Variants in ROBO2 observed in about 807,000 individuals in gnomAD.
The protein encoded by ROBO2 is roundabout homolog 2.
In ROBO2, 53 loss-of-function variants were observed where a neutral mutation model predicts 160.8. The ratio of observed to expected loss-of-function variants is 0.33; its 90% CI spans 0.26 to 0.41. The LOEUF is 0.41. Ranked by LOEUF, ROBO2 falls within the 10% of genes least tolerant of loss-of-function variation. The probability of loss-of-function intolerance (pLI) is 1.00; values close to 1 mark genes in which losing one functional copy is unlikely to be tolerated. For synonymous variants in ROBO2, 664 were observed against 611.7 expected, an observed-to-expected ratio of 1.09 and a Z score of -1.26; for missense variants, 1,577 against 1,722.4, an observed-to-expected ratio of 0.92 and a Z score of 1.49.
Position 76,679,343 on chromosome 3 carries a change from AT to A in ROBO2, c.110-418669del, listed in dbSNP as rs538014064. 1.2e-3 allele frequency among the ~76,000 whole-genome samples: 181 copies of A among 152,254 alleles called. 1 individual carries two copies. The highest frequency in any genetic ancestry group is 4.2e-3 in the African/African-American group (176 of 41,564). ...TATTTTATCTTATAAGATCTTATCT[AT>A]TAATCAATGTTTATATTTTGTGTTT... On this transcript the variant is annotated intron_variant, in intron 2 of 26. Coordinates refer to the ROBO2 transcript ENST00000487694.
At chr3:76,436,641 G>T (rs1187726054) in intron 2 of ROBO2, among the ~76,000 whole-genome samples, 1 of 151,794 alleles carries the variant, frequency 6.6e-6, no homozygotes, top group Non-Finnish European at 1.5e-5. Flanking sequence ...TGTGCTTAAA[G>T]TTATACAGAA....
In ROBO2 at chr3:76,622,245, A is replaced by AGAAAGAAAGAAAGAAG. The variant is rs2089213059; in HGVS notation, c.110-475754_110-475753insGGAAAGAAAGAAAGAA. On this transcript the variant is annotated intron_variant, in intron 2 of 26. Coordinates refer to the ROBO2 transcript ENST00000487694. ...AAGGAAGGAAGGAAGGAAGAAAGAAAGAAAGAAAGAAAGAAAGAAAGAAAG... is the reference window on the plus strand; with the variant it reads ...AAGGAAGGAAGGAAGGAAGAAAGAAAGAAAGAAAGAAAGAAGGAAAGAAAGAAAGAAAGAAAGAAAG... 9.3e-4 allele frequency among the ~76,000 whole-genome samples: 41 copies of AGAAAGAAAGAAAGAAG among 44,166 alleles called. 1 individual carries two copies. Among genetic ancestry groups the AGAAAGAAAGAAAGAAG allele is most frequent in the South Asian group, 2.4e-3 (2 of 834 alleles). 29.0% of individuals were successfully genotyped at this position (44,166 alleles called of 152,430 possible). A position where few individuals can be genotyped will look rare whatever the true frequency, so the allele number is the denominator to read the frequency against.
chr3:77,645,872 G>A (rs1183729523), intron 25 of ROBO2, among the ~76,000 whole-genome samples, 182 bp from the exon 28 acceptor site: 2 of 151,954 alleles, frequency 1.3e-5, no homozygotes, highest in Admixed American at 1.3e-4. Context: ...AAATTCTATA[G>A]TGTTTTCTTT....
At chr3:76,957,864 A>G (rs1577833684) in intron 2 of ROBO2, among the ~76,000 whole-genome samples, 1 of 152,060 alleles carries the variant, frequency 6.6e-6, no homozygotes, top group South Asian at 2.1e-4. Context: ...ATTTAACTCT[A>G]GATGAATTTG....
At chr3:77,443,682 T>G (rs139717720) in intron 2 of ROBO2, among the ~76,000 whole-genome samples, 41 of 152,302 alleles carry the variant, frequency 2.7e-4, no homozygotes, top group Non-Finnish European at 4.3e-4. Flanking sequence ...ATAAATAATT[T>G]CTAATTTAAC....
At chr3:77,034,654 T>A (rs546087363) in intron 2 of ROBO2, among the ~76,000 whole-genome samples, 1 of 151,938 alleles carries the variant, frequency 6.6e-6, no homozygotes, top group Non-Finnish European at 1.5e-5. Flanking sequence ...TCAGTGAGCA[T>A]ACAACTGTAA....
intron 2 of ROBO2, among the ~76,000 whole-genome samples, chr3:76,144,238 A>G (rs1413438261): frequency 2.0e-5 from 3 of 152,056 alleles, no homozygotes; most frequent in Admixed American, 6.6e-5. Flanking sequence ...CTGGACTTTA[A>G]AAGGCATTCC....
chr3:76,737,852 TTTAAGAA>T (rs11280031), intron 2 of ROBO2, among the ~76,000 whole-genome samples: 98,864 of 151,294 alleles, frequency 0.65, 32,466 homozygotes, highest in African/African-American at 0.73. Context: ...AACAGTATTA[TTTAAGAA>T]ATGCAGACTG....
At chr3:77,563,584 A>G (rs971659441) in intron 11 of ROBO2, among the ~76,000 whole-genome samples, 5 of 152,128 alleles carry the variant, frequency 3.3e-5, no homozygotes, top group African/African-American at 1.2e-4. Context: ...ACTTAGCTCC[A>G]TTCTTTACCC....
chr3:76,348,674 A>C (rs2074684023), intron 2 of ROBO2, among the ~76,000 whole-genome samples: 1 of 152,190 alleles, frequency 6.6e-6, no homozygotes, highest in South Asian at 2.1e-4. Context: ...GGTACAACCA[A>C]TTATGTGCTA....
At chr3:75,976,606 A>T (rs755991903) in intron 2 of ROBO2, among the ~76,000 whole-genome samples, 7 of 151,578 alleles carry the variant, frequency 4.6e-5, no homozygotes, top group Non-Finnish European at 7.4e-5. Flanking sequence ...ACATTCTCCA[A>T]ATGTATTACA....
chr3:75,922,693 TATTA>T (rs908316727), intron 1 of ROBO2, among the ~76,000 whole-genome samples: 11 of 152,196 alleles, frequency 7.2e-5, no homozygotes, highest in Middle Eastern at 3.4e-3. Flanking sequence ...AAAATTATAT[TATTA>T]ATTTTATCCA....
At chr3:77,338,801 C>T (rs1356417911) in intron 2 of ROBO2, among the ~76,000 whole-genome samples, 1 of 152,042 alleles carries the variant, frequency 6.6e-6, no homozygotes, top group African/African-American at 2.4e-5. Context: ...GCCATTTTTC[C>T]TAGCTATTGC....
intron 2 of ROBO2, among the ~76,000 whole-genome samples, chr3:76,381,087 G>T (rs1193023388): frequency 6.6e-6 from 1 of 151,226 alleles, no homozygotes; most frequent in Non-Finnish European, 1.5e-5. Context: ...TGTTTGAAAG[G>T]ATTTAAAAAA....
intron 17 of ROBO2, among the ~76,000 whole-genome samples, chr3:77,590,912 T>A (rs2094165018): frequency 6.6e-6 from 1 of 152,124 alleles, no homozygotes; most frequent in Non-Finnish European, 1.5e-5. Context: ...TTATTGCTAC[T>A]CATCTGCTTG....
At chr3:76,059,396 A>G (rs62267251) in intron 2 of ROBO2, among the ~76,000 whole-genome samples, 11,389 of 152,072 alleles carry the variant, frequency 0.075, 1,117 homozygotes, top group African/African-American at 0.22. Flanking sequence ...TTCTCTGATG[A>G]CCAGTGATGA....
intron 2 of ROBO2, among the ~76,000 whole-genome samples, chr3:76,992,827 A>T (rs1578112992): frequency 6.6e-6 from 1 of 151,720 alleles, no homozygotes; most frequent in East Asian, 1.9e-4. Flanking sequence ...TACTTTTTTA[A>T]TTTTTTTTGA....
intron 1 of ROBO2, among the ~76,000 whole-genome samples, chr3:75,921,629 G>A (rs1040917701): frequency 3.3e-5 from 5 of 152,080 alleles, no homozygotes; most frequent in Non-Finnish European, 7.4e-5. Context: ...TCTCTGCAAA[G>A]GGTGTGTGTG....
intron 2 of ROBO2, among the ~76,000 whole-genome samples, chr3:77,138,421 A>C (rs2076447924): frequency 6.6e-6 from 1 of 152,210 alleles, no homozygotes; most frequent in Non-Finnish European, 1.5e-5. Context: ...TGGTACTTTC[A>C]AGATGATGAG....
Sources: allele counts gnomAD v4.1 joint callset (sites outside exome capture counted in the v4.1 genomes callset), GRCh38; gene constraint gnomAD v4.1.1; transcripts MANE v1.5; gene names NCBI Gene and HGNC (gene_info 2026-07-23, HGNC 2026-07-21).